Variants in CRLF3 observed in about 807,000 individuals in gnomAD.
The protein encoded by CRLF3 is cytokine receptor-like factor 3.
CRLF3 carries 33 observed loss-of-function variants against 55.0 expected under a neutral mutation model. That is an observed-to-expected ratio of 0.60 (90% CI 0.46 to 0.80). CRLF3 has a LOEUF of 0.80. Among genes scored for constraint, CRLF3 ranks in the 30% least tolerant of loss-of-function variants. CRLF3 has a pLI of 0.00. For missense variants in CRLF3, 494 were observed against 538.4 expected, an observed-to-expected ratio of 0.92 and a Z score of 0.82; for synonymous variants, 238 against 196.8, an observed-to-expected ratio of 1.21 and a Z score of -1.75.
chr17:30,802,430 G>A (rs909941036), intron 2 of CRLF3, among the ~76,000 whole-genome samples: 1 of 133,712 alleles, frequency 7.5e-6, no homozygotes, highest in Non-Finnish European at 1.6e-5. Context: ...TTTATTCTTA[G>A]TCTTATTTTA....
At chr17:30,817,904 CAAA>C (rs924297403) in intron 1 of CRLF3, among the ~76,000 whole-genome samples, 4 of 61,322 alleles carry the variant, frequency 6.5e-5, no homozygotes, top group African/African-American at 1.3e-4. Context: ...GACTCCATCC[CAAA>C]AAAAAAAAAA....
chr17:30,821,502 T>C (rs1174423744), intron 1 of CRLF3, among the ~76,000 whole-genome samples: 1 of 152,244 alleles, frequency 6.6e-6, no homozygotes, highest in Non-Finnish European at 1.5e-5. Context: ...AGAAGCATTA[T>C]TCATAATAGT....
intron 2 of CRLF3, among the ~76,000 whole-genome samples, chr17:30,799,757 G>A (rs550997542): frequency 5.3e-5 from 8 of 151,928 alleles, no homozygotes; most frequent in South Asian, 4.2e-4. Flanking sequence ...CGCCCCCCTC[G>A]GCCTCCCAAA....
chr17:30,818,283 T>C lies in CRLF3; in HGVS notation c.129+6240A>G, dbSNP rs575140727. 8.5e-5 allele frequency among the ~76,000 whole-genome samples: 13 copies of C among 152,074 alleles called. No individual in the cohort carries two copies. The East Asian group carries it at 2.5e-3, about 29-fold the overall frequency. ...TAAAAAAAAAAAATTATTTCATCTG[T>C]TCTTGGTTTTCCCTGTATCTGGATT... On this transcript the variant is annotated intron_variant, in intron 1 of 7. Transcript: ENST00000324238.
chr17:30,793,721 T>C (rs1261519678), intron 4 of CRLF3, 49 bp from the exon 5 acceptor site: 2 of 1,345,746 alleles, frequency 1.5e-6, no homozygotes, highest in East Asian at 4.6e-5. Context: ...ATGACTTCTC[T>C]CAGCATCACT....
intron 1 of CRLF3, among the ~76,000 whole-genome samples, chr17:30,823,775 T>C (rs1382645386): frequency 6.6e-6 from 1 of 152,118 alleles, no homozygotes; most frequent in Non-Finnish European, 1.5e-5. Flanking sequence ...CACTTGAAAT[T>C]ATATTTAGCT....
Position 30,796,156 on chromosome 17 carries a change from A to G in CRLF3, c.603+4T>C, listed in dbSNP as rs1202240976. 1.3e-6 allele frequency: 2 copies of G among 1,588,336 alleles called. No homozygotes were observed. Among genetic ancestry groups the G allele is most frequent in the Non-Finnish European group, 1.7e-6 (2 of 1,166,720 alleles). ...AGTCATTTCTAGAATTCTGAATTAC[A>G]TACCTTACACCATCGTACAATGATG... is the stretch of plus-strand genomic sequence containing the variant. On this transcript the variant is annotated splice_donor_region_variant and intron_variant, in intron 4 of 7. Transcript: ENST00000324238.
intron 4 of CRLF3, among the ~76,000 whole-genome samples, chr17:30,795,837 G>A (rs978811541): frequency 1.3e-4 from 20 of 152,230 alleles, no homozygotes; most frequent in East Asian, 9.6e-4. Flanking sequence ...TCAGGAGGCC[G>A]AAGCAGGAGA....
chr17:30,788,787 T>C (rs191128160), intron 6 of CRLF3, among the ~76,000 whole-genome samples: 312 of 151,600 alleles, frequency 2.1e-3, no homozygotes, highest in African/African-American at 6.2e-3. Flanking sequence ...TTTGTATTTA[T>C]AGTAGAGATG....
In CRLF3 at chr17:30,824,663, G is replaced by T; in HGVS notation, c.-12C>A. 1 of 1,585,700 alleles carries T rather than the reference G, an allele frequency of 6.3e-7. No individual in the cohort carries two copies. Among genetic ancestry groups the T allele is most frequent in the Non-Finnish European group, 8.5e-7 (1 of 1,172,078 alleles). On this transcript the variant is annotated 5_prime_UTR_variant, in exon 1 of 8. Transcript: ENST00000324238. ...ATCGCCCCCCTCATCTGGCCGCGCG[G>T]CCGGCGAAACCTAGCGCGGGTTCCC...
intron 7 of CRLF3, 152 bp from the exon 8 acceptor site, chr17:30,784,595 A>G: frequency 4.6e-6 from 3 of 646,410 alleles, no homozygotes; most frequent in Non-Finnish European, 7.9e-6. Context: ...AGTTCTGTCC[A>G]GGGTTGTACT....
chr17:30,818,037 G>A (rs1409990418), intron 1 of CRLF3, among the ~76,000 whole-genome samples: 1 of 151,786 alleles, frequency 6.6e-6, no homozygotes, highest in African/African-American at 2.4e-5. Flanking sequence ...CGAGATGCGC[G>A]GATCACCTGA....
At chr17:30,807,978 AAAAG>A (rs1371550692) in intron 1 of CRLF3, among the ~76,000 whole-genome samples, 3 of 152,184 alleles carry the variant, frequency 2.0e-5, no homozygotes, top group Non-Finnish European at 4.4e-5. Flanking sequence ...AAAAATTTTA[AAAAG>A]AAAGAAAGGC....
intron 6 of CRLF3, among the ~76,000 whole-genome samples, chr17:30,786,986 C>T (rs1277314188): frequency 1.3e-5 from 2 of 152,136 alleles, no homozygotes; most frequent in African/African-American, 4.8e-5. Context: ...AGGCGTGAGC[C>T]ACCACACCTG....
intron 1 of CRLF3, among the ~76,000 whole-genome samples, chr17:30,814,428 C>A (rs1286020859): frequency 6.6e-6 from 1 of 151,530 alleles, no homozygotes; most frequent in Non-Finnish European, 1.5e-5. Context: ...CCGAGGCAGG[C>A]GGATCACCTA....
At chr17:30,789,449 C>G (rs1408321246) in intron 6 of CRLF3, among the ~76,000 whole-genome samples, 1 of 152,084 alleles carries the variant, frequency 6.6e-6, no homozygotes, top group Non-Finnish European at 1.5e-5. Flanking sequence ...GGTGAAAGGT[C>G]ATAAGAGGTA....
chr17:30,794,446 A>G (rs1214083487), intron 4 of CRLF3, among the ~76,000 whole-genome samples: 1 of 152,236 alleles, frequency 6.6e-6, no homozygotes, highest in African/African-American at 2.4e-5. Flanking sequence ...CCAAAAATGT[A>G]TATTATGAAT....
chr17:30,785,818 T>TTTA (rs1971632289), intron 7 of CRLF3, 101 bp downstream of exon 7: 4 of 623,214 alleles, frequency 6.4e-6, no homozygotes, highest in Non-Finnish European at 1.1e-5. Context: ...ATACCTAAAT[T>TTTA]TTCTCATCTC....
chr17:30,804,433 C>G (rs890445016), intron 1 of CRLF3, among the ~76,000 whole-genome samples: 1 of 152,150 alleles, frequency 6.6e-6, no homozygotes, highest in Non-Finnish European at 1.5e-5. Context: ...CTTGAGCTCT[C>G]TAGAATTTAC....
Sources: gnomAD v4.1 joint callset for allele counts (sites outside exome capture counted in the v4.1 genomes callset) on GRCh38, gnomAD v4.1.1 for gene constraint, MANE v1.5 for transcripts, NCBI Gene and HGNC (gene_info 2026-07-23, HGNC 2026-07-21) for gene names.